Variants in SRGAP1 observed in about 807,000 individuals in gnomAD.
The protein encoded by SRGAP1 is SLIT-ROBO Rho GTPase activating protein 1, also known as SLIT-ROBO Rho GTPase-activating protein 1.
A neutral mutation model predicts 121.9 loss-of-function variants in SRGAP1; 43 were observed. The ratio of observed to expected loss-of-function variants is 0.35; its 90% CI spans 0.28 to 0.46. The LOEUF (loss-of-function observed/expected upper bound fraction) is 0.46, where lower values mean the gene tolerates loss of function less well. Ranked by LOEUF, SRGAP1 falls within the 20% of genes least tolerant of loss-of-function variation. The pLI, the probability that SRGAP1 is intolerant of heterozygous loss-of-function variation, is 1.00. For synonymous variants in SRGAP1, 447 were observed against 485.4 expected (o/e 0.92, Z 1.04); for missense variants, 1,102 against 1,350.9 (o/e 0.82, Z 2.89).
chr12:64,122,991 A>G (rs1323522323), intron 18 of SRGAP1, among the ~76,000 whole-genome samples: 1 of 152,210 alleles, frequency 6.6e-6, no homozygotes, highest in African/African-American at 2.4e-5. Flanking sequence ...AATAGTTTTA[A>G]CTATGTTGAA....
intron 1 of SRGAP1, among the ~76,000 whole-genome samples, chr12:63,897,870 A>T (rs566127792): frequency 2.6e-5 from 4 of 152,002 alleles, no homozygotes; most frequent in Non-Finnish European, 5.9e-5. Context: ...GATGTTTTTC[A>T]TAGGTATTTC....
intron 21 of SRGAP1, among the ~76,000 whole-genome samples, chr12:64,130,506 T>C (rs1478587779): frequency 1.3e-5 from 2 of 152,196 alleles, no homozygotes; most frequent in Non-Finnish European, 1.5e-5. Context: ...TGGGAGAAAC[T>C]GCACCATGTA....
chr12:64,043,656 C>T, intron 6 of SRGAP1, 81 bp downstream of exon 6: 1 of 1,113,158 alleles, frequency 9.0e-7, no homozygotes, highest in Non-Finnish European at 1.3e-6. Flanking sequence ...AAAATACTGT[C>T]ATTTCTTAAG....
chr12:64,029,860 A>G (rs1271940272), intron 4 of SRGAP1, among the ~76,000 whole-genome samples: 1 of 134,138 alleles, frequency 7.5e-6, no homozygotes, highest in Non-Finnish European at 1.6e-5. Context: ...GTGAACCGAG[A>G]TCTTGCCACT....
intron 1 of SRGAP1, among the ~76,000 whole-genome samples, chr12:63,858,765 C>T (rs371964541): frequency 2.0e-5 from 3 of 152,214 alleles, no homozygotes; most frequent in East Asian, 1.9e-4. Context: ...AGTGCAATGG[C>T]GCAATCTGCT....
At chr12:64,034,148 C>G (rs1452122393) in intron 4 of SRGAP1, among the ~76,000 whole-genome samples, 2 of 152,170 alleles carry the variant, frequency 1.3e-5, no homozygotes, top group African/African-American at 4.8e-5. Flanking sequence ...GAGGTGGGAC[C>G]TGGTGGGAGG....
At chr12:64,053,478 T>C (rs1486549442) in intron 6 of SRGAP1, among the ~76,000 whole-genome samples, 1 of 152,214 alleles carries the variant, frequency 6.6e-6, no homozygotes, top group African/African-American at 2.4e-5. Context: ...CCTCTGTCTC[T>C]GAAGAAAGTC....
At chr12:64,116,694 A>G (rs1417774208) in intron 18 of SRGAP1, among the ~76,000 whole-genome samples, 1 of 152,202 alleles carries the variant, frequency 6.6e-6, no homozygotes, top group Non-Finnish European at 1.5e-5. Flanking sequence ...GCTGCTATGC[A>G]CTGTTAGGAC....
Position 64,152,091 on chromosome 12 carries a change from A to T in SRGAP1, c.*9419A>T, listed in dbSNP as rs1002267450. The T allele has an allele frequency of 2.0e-5, 3 of 152,114 alleles. No individual in the cohort carries two copies. Among genetic ancestry groups the T allele is most frequent in the Non-Finnish European group, 4.4e-5 (3 of 68,028 alleles). 9.4% of individuals were successfully genotyped at this position (152,114 alleles called of 1,614,324 possible). A position where few individuals can be genotyped will look rare whatever the true frequency, so the allele number is the denominator to read the frequency against. On this transcript the variant is annotated 3_prime_UTR_variant, in exon 22 of 22. Coordinates refer to ENST00000355086, the MANE Select transcript of SRGAP1 (RefSeq NM_020762.4). Reference sequence around the variant, plus strand: ...AAAAACAAAATGAGAAACCTAACAAACAATCATTGAAAATGTACCATGTAC... The same window carrying T: ...AAAAACAAAATGAGAAACCTAACAATCAATCATTGAAAATGTACCATGTAC...
chr12:64,138,097 C>T (rs2136650079), intron 21 of SRGAP1, among the ~76,000 whole-genome samples: 1 of 152,058 alleles, frequency 6.6e-6, no homozygotes, highest in South Asian at 2.1e-4. Context: ...AACCAAAACT[C>T]TGTACACATT....
intron 21 of SRGAP1, among the ~76,000 whole-genome samples, chr12:64,138,613 T>C (rs10747997): frequency 0.56 from 84,656 of 151,142 alleles, 24,115 homozygotes; most frequent in East Asian, 0.66. Context: ...CCACCACGCC[T>C]GGCTATCTGA....
At chr12:63,942,331 G>T (rs2136351732) in intron 1 of SRGAP1, among the ~76,000 whole-genome samples, 1 of 152,202 alleles carries the variant, frequency 6.6e-6, no homozygotes, top group African/African-American at 2.4e-5. Flanking sequence ...AATTAAATTA[G>T]CCATATACAT....
At chr12:63,894,906 A>G (rs1251094982) in intron 1 of SRGAP1, among the ~76,000 whole-genome samples, 1 of 152,086 alleles carries the variant, frequency 6.6e-6, no homozygotes, top group African/African-American at 2.4e-5. Context: ...AGTCTTTGCT[A>G]TTGTGAATAG....
intron 21 of SRGAP1, among the ~76,000 whole-genome samples, chr12:64,141,520 C>CA (rs1270693948): frequency 6.6e-6 from 1 of 151,924 alleles, no homozygotes; most frequent in Non-Finnish European, 1.5e-5. Context: ...GCAGAGGTTG[C>CA]AGTGAGCCGA....
At chr12:64,006,170 A>C (rs2034075949) in intron 3 of SRGAP1, among the ~76,000 whole-genome samples, 1 of 152,162 alleles carries the variant, frequency 6.6e-6, no homozygotes, top group South Asian at 2.1e-4. Flanking sequence ...ACTTGGTGAG[A>C]TTTTACAAAG....
chr12:64,071,058 G>C (rs2035628253), intron 8 of SRGAP1, among the ~76,000 whole-genome samples: 1 of 152,104 alleles, frequency 6.6e-6, no homozygotes, highest in Non-Finnish European at 1.5e-5. Flanking sequence ...CTACTGATGA[G>C]CTAACAGGAA....
chr12:64,080,646 C>T lies in SRGAP1; in HGVS notation c.1408+276C>T, dbSNP rs73319396. On this transcript the variant is annotated intron_variant, in intron 10 of 21. Transcript: ENST00000355086. ...GAGGGATCTTCAGAGTGTGGTGCTC[C>T]TGATCGTAGAAAAGTCTGGAAACAC... 5.0e-3 allele frequency: 2,416 copies of T among 487,002 alleles called. 45 individuals are homozygous for T. The highest frequency in any genetic ancestry group is 0.043 in the African/African-American group (2,199 of 51,264). 30.2% of individuals were successfully genotyped at this position (487,002 alleles called of 1,614,324 possible). A position where few individuals can be genotyped will look rare whatever the true frequency, so the allele number is the denominator to read the frequency against.
intron 3 of SRGAP1, among the ~76,000 whole-genome samples, chr12:64,010,981 A>C (rs912291438): frequency 6.6e-6 from 1 of 151,842 alleles, no homozygotes; most frequent in African/African-American, 2.4e-5. Flanking sequence ...GGCAAGTTGA[A>C]GTTACCAGAA....
intron 1 of SRGAP1, among the ~76,000 whole-genome samples, chr12:63,877,544 TG>T (rs1384939010): frequency 1.3e-5 from 2 of 152,258 alleles, no homozygotes; most frequent in African/African-American, 4.8e-5. Context: ...CAAATAAAGT[TG>T]TTGGGTAGGT....
Sources: gnomAD v4.1 joint callset for allele counts (sites outside exome capture counted in the v4.1 genomes callset) on GRCh38, gnomAD v4.1.1 for gene constraint, MANE v1.5 for transcripts, NCBI Gene and HGNC (gene_info 2026-07-23, HGNC 2026-07-21) for gene names.